CREB1: variants seen among roughly 807,000 people sequenced by gnomAD.
CREB1 encodes cyclic AMP-responsive element-binding protein 1.
CREB1 carries 2 observed loss-of-function variants against 42.0 expected under a neutral mutation model. The ratio of observed to expected loss-of-function variants is 0.05; its 90% CI spans 0.02 to 0.15. CREB1 has a LOEUF of 0.15. CREB1 is among the 10% of genes least tolerant of loss of function. CREB1 has a pLI of 1.00. For missense variants in CREB1, 199 were observed against 388.9 expected, an observed-to-expected ratio of 0.51 and a Z score of 4.11; for synonymous variants, 123 against 139.9, an observed-to-expected ratio of 0.88 and a Z score of 0.85.
chr2:207,547,165 C>T (rs1232060445), intron 1 of CREB1, among the ~76,000 whole-genome samples: 1 of 152,136 alleles, frequency 6.6e-6, no homozygotes, highest in Admixed American at 6.5e-5. Context: ...CTTCCATGTC[C>T]AATTTGTAAA....
At chr2:207,543,879 C>T (rs940750355) in intron 1 of CREB1, among the ~76,000 whole-genome samples, 9 of 152,076 alleles carry the variant, frequency 5.9e-5, no homozygotes, top group Non-Finnish European at 1.0e-4. Context: ...CTGGGGATTA[C>T]AGGCGTGAGC....
chr2:207,556,897 G>T (rs1370292680), intron 2 of CREB1, among the ~76,000 whole-genome samples: 1 of 152,162 alleles, frequency 6.6e-6, no homozygotes, highest in Non-Finnish European at 1.5e-5. Flanking sequence ...AACACTTTAG[G>T]AGGCTGAGGC....
chr2:207,581,896 T>C, intron 7 of CREB1: 2 of 703,008 alleles, frequency 2.8e-6, no homozygotes, highest in Non-Finnish European at 5.2e-6. Context: ...TGAAGAGTAG[T>C]GATCTGTTTT....
chr2:207,550,855 C>T (rs1456697287), intron 1 of CREB1, among the ~76,000 whole-genome samples: 4 of 152,116 alleles, frequency 2.6e-5, no homozygotes, highest in Non-Finnish European at 5.9e-5. Flanking sequence ...CAACCTTCTT[C>T]CCAGCTTTAT....
At chr2:207,533,555 T>A (rs551108352) in intron 1 of CREB1, among the ~76,000 whole-genome samples, 1 of 152,234 alleles carries the variant, frequency 6.6e-6, no homozygotes, top group Non-Finnish European at 1.5e-5. Context: ...GCTTATCAGA[T>A]ATGAGTTACA....
In CREB1 at chr2:207,580,502, T is replaced by C. The variant is rs2082836929; in HGVS notation, c.839+2847T>C. ...CTCCATATTTGGTTTCCTCTTCTAG[T>C]GTGGCTATTTCAGTGGAAAAGTTAA... On this transcript the variant is annotated intron_variant, in intron 7 of 7. Transcript: ENST00000353267. 4 of 217,606 alleles carry C rather than the reference T, an allele frequency of 1.8e-5. No individual in the cohort carries two copies. The East Asian group carries it at 2.7e-4, about 15-fold the overall frequency. The allele number at this position is 217,606 out of a possible 1,614,324, so 13.5% of individuals were successfully genotyped here. A position where few individuals can be genotyped will look rare whatever the true frequency, so the allele number is the denominator to read the frequency against.
chr2:207,534,151 T>G (rs750365789), intron 1 of CREB1, among the ~76,000 whole-genome samples: 4 of 152,234 alleles, frequency 2.6e-5, no homozygotes, highest in Non-Finnish European at 5.9e-5. Context: ...CTCAGAATTG[T>G]GGGGGTTAAC....
At chr2:207,574,770 G>A (rs1454024831) in intron 5 of CREB1, among the ~76,000 whole-genome samples, 2 of 152,142 alleles carry the variant, frequency 1.3e-5, no homozygotes, top group Non-Finnish European at 2.9e-5. Context: ...ACAAGAGTTA[G>A]GGAATACAAT....
At chr2:207,574,706 A>T (rs2082505528) in intron 5 of CREB1, among the ~76,000 whole-genome samples, 1 of 152,218 alleles carries the variant, frequency 6.6e-6, no homozygotes, top group Admixed American at 6.5e-5. Context: ...ATTAAGTTCC[A>T]TAGGATATTT....
chr2:207,583,809 T>C (rs1345436203), intron 7 of CREB1, among the ~76,000 whole-genome samples: 1 of 152,220 alleles, frequency 6.6e-6, no homozygotes, highest in African/African-American at 2.4e-5. Context: ...TATATAATAC[T>C]AAGTATTCTC....
In CREB1 at chr2:207,601,931, CTG is replaced by C. The variant is rs200579743; in HGVS notation, c.*4875_*4876del. The C allele has an allele frequency of 2.4e-4, 51 of 211,504 alleles. No individual in the cohort carries two copies. The East Asian group carries it at 3.5e-3, about 15-fold the overall frequency. The allele number at this position is 211,504 out of a possible 1,614,324, so 13.1% of individuals were successfully genotyped here. A position where few individuals can be genotyped will look rare whatever the true frequency, so the allele number is the denominator to read the frequency against. On this transcript the variant is annotated 3_prime_UTR_variant, in exon 8 of 8. Transcript: ENST00000353267. ...GACTATTAAGTTGGCTACACAGTCACTGTATGTACTAGGAACTGGTTTCCTTG... is the reference window on the plus strand; with the variant it reads ...GACTATTAAGTTGGCTACACAGTCACTATGTACTAGGAACTGGTTTCCTTG...
At chr2:207,579,616 C>T (rs926567640) in intron 7 of CREB1, among the ~76,000 whole-genome samples, 5 of 152,160 alleles carry the variant, frequency 3.3e-5, no homozygotes, top group Non-Finnish European at 5.9e-5. Flanking sequence ...GGGAAACTAC[C>T]CGACTTACCA....
chr2:207,533,122 G>A lies in CREB1; in HGVS notation c.-9+2988G>A, dbSNP rs2080721118. Among the ~76,000 whole-genome samples, 8 of 150,568 alleles carry A rather than the reference G, an allele frequency of 5.3e-5. No individual in the cohort carries two copies. The South Asian group carries it at 1.7e-3, about 31-fold the overall frequency. On this transcript the variant is annotated intron_variant, in intron 1 of 7. Coordinates refer to ENST00000353267, the MANE Select transcript of CREB1 (RefSeq NM_004379.5). Reference sequence around the variant, plus strand: ...TTTCATGAACACCTACATTTAGAAAGCTAATAAATTACTTGACAGAGTTTG... The same window carrying A: ...TTTCATGAACACCTACATTTAGAAAACTAATAAATTACTTGACAGAGTTTG...
At chr2:207,545,505 C>T (rs2081268816) in intron 1 of CREB1, among the ~76,000 whole-genome samples, 1 of 152,058 alleles carries the variant, frequency 6.6e-6, no homozygotes, top group South Asian at 2.1e-4. Flanking sequence ...CTCCGCCTGG[C>T]CTAATTCCAG....
intron 1 of CREB1, among the ~76,000 whole-genome samples, chr2:207,546,542 C>T (rs747443737): frequency 6.6e-6 from 1 of 152,018 alleles, no homozygotes. Context: ...GCCTGGCCAA[C>T]GTTGTGAAAC....
At chr2:207,577,391 T>G (rs2082636890) in intron 6 of CREB1, 114 bp from the exon 7 acceptor site, 2 of 1,360,668 alleles carry the variant, frequency 1.5e-6, no homozygotes, top group East Asian at 2.4e-5. Flanking sequence ...GAATCATCTT[T>G]TCTTTTTTGT....
chr2:207,572,469 C>T (rs1559046103), intron 5 of CREB1, among the ~76,000 whole-genome samples: 1 of 152,110 alleles, frequency 6.6e-6, no homozygotes. Flanking sequence ...TATAAACACA[C>T]ATAGTTATAT....
chr2:207,537,521 C>T (rs1411199064), intron 1 of CREB1, among the ~76,000 whole-genome samples: 1 of 152,124 alleles, frequency 6.6e-6, no homozygotes, highest in Non-Finnish European at 1.5e-5. Context: ...ATTAAAGCAG[C>T]AAACTGATAA....
intron 5 of CREB1, among the ~76,000 whole-genome samples, chr2:207,573,997 CT>C (rs2082475652): frequency 6.6e-6 from 1 of 152,150 alleles, no homozygotes; most frequent in African/African-American, 2.4e-5. Flanking sequence ...ATTTTTCTCC[CT>C]GCCTAAGATA....
Sources: allele counts gnomAD v4.1 joint callset (sites outside exome capture counted in the v4.1 genomes callset), GRCh38; gene constraint gnomAD v4.1.1; transcripts MANE v1.5; gene names NCBI Gene and HGNC (gene_info 2026-07-23, HGNC 2026-07-21).